NRG1: variants seen among roughly 807,000 people sequenced by gnomAD.
NRG1 encodes the protein neuregulin 1.
NRG1 carries 18 observed loss-of-function variants against 63.8 expected under a neutral mutation model. The ratio of observed to expected loss-of-function variants is 0.28; its 90% confidence interval spans 0.19 to 0.42. The LOEUF (loss-of-function observed/expected upper bound fraction) is 0.42. NRG1 is among the 10% of genes least tolerant of loss of function. The probability of loss-of-function intolerance (pLI) is 1.00; values close to 1 mark genes in which losing one functional copy is unlikely to be tolerated. For synonymous variants in NRG1, 302 were observed against 301.3 expected (o/e 1.00, Z -0.02); for missense variants, 762 against 814.7 (o/e 0.94, Z 0.79).
At chr8:32,409,175 G>A (rs2129485276) in intron 1 of NRG1, among the ~76,000 whole-genome samples, 1 of 152,128 alleles carries the variant, frequency 6.6e-6, no homozygotes, top group South Asian at 2.1e-4. Context: ...TCAAATAAAT[G>A]GTGCTAGGAA....
In NRG1 at chr8:32,310,754, C is replaced by T. The variant is rs1318496685; in HGVS notation, c.38-285074C>T. On this transcript the variant is annotated intron_variant, in intron 1 of 10. Coordinates refer to the NRG1 transcript ENST00000519301. The stretch of plus-strand genomic sequence containing the variant: ...CTTCTGTCACTTTAAACCACTTCAC[C>T]TCATTTGAAAGTCCAGGCTTCTCAG... Among the ~76,000 whole-genome samples the T allele has an allele frequency of 6.6e-5, 10 of 152,172 alleles. No homozygotes were observed. The East Asian group carries it at 1.9e-3, about 29-fold the overall frequency.
intron 1 of NRG1, chr8:32,061,570 GC>G (rs1209287665): frequency 6.6e-6 from 1 of 151,962 alleles, no homozygotes; most frequent in Non-Finnish European, 1.5e-5. Flanking sequence ...TATGCCCTAT[GC>G]CCTTTCACTG....
At chr8:31,903,565 C>CT (rs1188778566) in intron 1 of NRG1, among the ~76,000 whole-genome samples, 2 of 152,092 alleles carry the variant, frequency 1.3e-5, no homozygotes, top group East Asian at 3.9e-4. Flanking sequence ...CATAGCACCT[C>CT]TAAGTTATTG....
intron 1 of NRG1, among the ~76,000 whole-genome samples, chr8:32,008,030 T>G (rs1028388466): frequency 6.6e-6 from 1 of 152,006 alleles, no homozygotes; most frequent in Non-Finnish European, 1.5e-5. Context: ...AACACCACAC[T>G]TGAATCAGTA....
At chr8:32,047,743 T>C (rs1244594861) in intron 1 of NRG1, among the ~76,000 whole-genome samples, 1 of 152,056 alleles carries the variant, frequency 6.6e-6, no homozygotes, top group Non-Finnish European at 1.5e-5. Context: ...TTAACATATG[T>C]ATTACATTAG....
intron 1 of NRG1, among the ~76,000 whole-genome samples, chr8:31,999,045 CTTTTT>C (rs533757734): frequency 6.7e-6 from 1 of 148,328 alleles, no homozygotes; most frequent in Non-Finnish European, 1.5e-5. Flanking sequence ...GTATATAGTT[CTTTTT>C]TTTTTCTTTT....
At chr8:32,769,257 G>A (rs1831635042), downstream of NRG1, among the ~76,000 whole-genome samples, 1 of 152,188 alleles carries the variant, frequency 6.6e-6, no homozygotes, top group Non-Finnish European at 1.5e-5. Context: ...TTGTTTGCCT[G>A]GGATATAGTA....
At chr8:32,197,874 G>C (rs1843111376) in intron 1 of NRG1, among the ~76,000 whole-genome samples, 2 of 152,132 alleles carry the variant, frequency 1.3e-5, no homozygotes, top group African/African-American at 4.8e-5. Context: ...TTGTCCTACT[G>C]CCTGGCCAAG....
chr8:32,306,108 TA>T (rs1386744045), intron 1 of NRG1, among the ~76,000 whole-genome samples: 2 of 152,204 alleles, frequency 1.3e-5, no homozygotes, highest in East Asian at 3.8e-4. Context: ...TCAGCAAGTT[TA>T]AAAACAGGAA....
chr8:31,881,170 T>A (rs1349770158), intron 1 of NRG1, among the ~76,000 whole-genome samples: 1 of 152,218 alleles, frequency 6.6e-6, no homozygotes, highest in Non-Finnish European at 1.5e-5. Context: ...TTTTACAAAT[T>A]GAAGATTTTT....
intron 1 of NRG1, among the ~76,000 whole-genome samples, chr8:32,451,377 T>C (rs1349238336): frequency 3.3e-5 from 5 of 152,208 alleles, no homozygotes; most frequent in African/African-American, 4.8e-5. Context: ...TATTGCCTCC[T>C]GGCAAAACAG....
intron 1 of NRG1, among the ~76,000 whole-genome samples, chr8:31,841,777 G>C (rs1487842859): frequency 1.3e-5 from 2 of 152,134 alleles, no homozygotes; most frequent in Non-Finnish European, 2.9e-5. Context: ...ATACCAGATT[G>C]TAAATAATTC....
At chr8:31,685,972 T>C (rs1417632260) in intron 1 of NRG1, among the ~76,000 whole-genome samples, 1 of 152,220 alleles carries the variant, frequency 6.6e-6, no homozygotes, top group Non-Finnish European at 1.5e-5. Context: ...ATACAAGTTT[T>C]TGTGTGAACA....
chr8:32,030,964 C>G (rs1426973311), intron 1 of NRG1, among the ~76,000 whole-genome samples: 1 of 152,174 alleles, frequency 6.6e-6, no homozygotes, highest in Non-Finnish European at 1.5e-5. Flanking sequence ...CAGGTCAACT[C>G]ATCTGGTAGG....
intron 1 of NRG1, among the ~76,000 whole-genome samples, chr8:31,903,094 A>G (rs988503391): frequency 2.6e-5 from 4 of 151,778 alleles, no homozygotes; most frequent in Admixed American, 1.3e-4. Context: ...TTTAGCATCA[A>G]TTGCAAAATG....
At chr8:32,224,098 C>A (rs1846086513) in intron 1 of NRG1, among the ~76,000 whole-genome samples, 1 of 152,164 alleles carries the variant, frequency 6.6e-6, no homozygotes, top group South Asian at 2.1e-4. Context: ...GTTCAGAATT[C>A]TTTGAGTCAA....
At chr8:32,560,843 T>C (rs941252099) in intron 1 of NRG1, among the ~76,000 whole-genome samples, 5 of 152,250 alleles carry the variant, frequency 3.3e-5, no homozygotes, top group African/African-American at 9.6e-5. Context: ...GCAGTTAATC[T>C]TTGTAAATTA....
exon 1 of NRG1, chr8:32,548,707 A>T (rs1265374434): frequency 6.4e-7 from 1 of 1,564,778 alleles, no homozygotes; most frequent in Non-Finnish European, 8.7e-7. Context: ...GTCCGCGTAG[A>T]GCGCTCCGTC....
intron 1 of NRG1, among the ~76,000 whole-genome samples, chr8:32,159,540 CAA>C (rs10684266): frequency 1.4e-4 from 10 of 73,700 alleles, no homozygotes; most frequent in Admixed American, 1.5e-4. Flanking sequence ...GACTCCGTCT[CAA>C]AAAAAAAAAA....
Sources: gnomAD v4.1 joint callset for allele counts (sites outside exome capture counted in the v4.1 genomes callset) on GRCh38, gnomAD v4.1.1 for gene constraint, MANE v1.5 for transcripts, NCBI Gene and HGNC (gene_info 2026-07-23, HGNC 2026-07-21) for gene names.